Variants in CAMK1D observed in about 807,000 individuals in gnomAD.
CAMK1D encodes calcium/calmodulin-dependent protein kinase type 1D.
Under a neutral mutation model 47.7 loss-of-function variants are expected in CAMK1D, and 9 were observed. The ratio of observed to expected loss-of-function variants is 0.19; its 90% CI spans 0.11 to 0.33. The LOEUF (loss-of-function observed/expected upper bound fraction) is 0.33, where lower values mean the gene tolerates loss of function less well. Ranked by LOEUF, CAMK1D falls within the 10% of genes least tolerant of loss-of-function variation. CAMK1D has a pLI of 1.00. For synonymous variants in CAMK1D, 184 were observed against 184.9 expected, an observed-to-expected ratio of 0.99 and a Z score of 0.04; for missense variants, 291 against 488.7, an observed-to-expected ratio of 0.60 and a Z score of 3.81.
intron 6 of CAMK1D, among the ~76,000 whole-genome samples, chr10:12,802,492 T>G (rs986334946): frequency 6.6e-6 from 1 of 152,200 alleles, no homozygotes; most frequent in African/African-American, 2.4e-5. Context: ...GCATTGATTT[T>G]GGAACTGCAA....
chr10:12,774,028 T>C (rs1252697250), intron 5 of CAMK1D, among the ~76,000 whole-genome samples: 1 of 139,396 alleles, frequency 7.2e-6, no homozygotes, highest in Non-Finnish European at 1.5e-5. Context: ...TGAAGAATTA[T>C]TTATTTATTG....
chr10:12,769,852 G>A (rs912767351), intron 5 of CAMK1D, 53 bp downstream of exon 5: 4 of 1,600,288 alleles, frequency 2.5e-6, no homozygotes, highest in Non-Finnish European at 3.4e-6. Flanking sequence ...ATGTCCTCAT[G>A]TGTGGTGTCA....
At chr10:12,502,089 G>A (rs1834721907) in intron 1 of CAMK1D, among the ~76,000 whole-genome samples, 1 of 152,226 alleles carries the variant, frequency 6.6e-6, no homozygotes, top group African/African-American at 2.4e-5. Context: ...TCAGGGTCAG[G>A]AACGAGTGTG....
At chr10:12,429,301 A>G (rs530764938) in intron 1 of CAMK1D, among the ~76,000 whole-genome samples, 1 of 152,108 alleles carries the variant, frequency 6.6e-6, no homozygotes, top group Non-Finnish European at 1.5e-5. Flanking sequence ...TCCCCTGACC[A>G]CCAAATGTCC....
chr10:12,731,220 C>T (rs1246042219), intron 3 of CAMK1D, among the ~76,000 whole-genome samples: 4 of 152,074 alleles, frequency 2.6e-5, no homozygotes, highest in Admixed American at 6.5e-5. Flanking sequence ...ATCTAGTGTA[C>T]GTGCAAGATT....
At chr10:12,808,732 C>T (rs958411889) in intron 6 of CAMK1D, among the ~76,000 whole-genome samples, 4 of 151,816 alleles carry the variant, frequency 2.6e-5, no homozygotes, top group South Asian at 4.2e-4. Context: ...GAGCCAAGGT[C>T]GCGCTACTGC....
At chr10:12,563,704 A>AGAGAGAGAGAGAGAGG (rs1837027851) in intron 2 of CAMK1D, among the ~76,000 whole-genome samples, 1 of 150,566 alleles carries the variant, frequency 6.6e-6, no homozygotes. Context: ...AGAGAGGGAG[A>AGAGAGAGAGAGAGAGG]GAGAGGGAGA....
At chr10:12,785,157 G>A (rs571543583) in intron 5 of CAMK1D, among the ~76,000 whole-genome samples, 144 of 152,298 alleles carry the variant, frequency 9.5e-4, no homozygotes, top group African/African-American at 3.3e-3. Context: ...TGGACGTGCC[G>A]ACTGGCTTGC....
At chr10:12,606,258 TCACA>T (rs1049914927) in intron 2 of CAMK1D, among the ~76,000 whole-genome samples, 1 of 152,158 alleles carries the variant, frequency 6.6e-6, no homozygotes, top group African/African-American at 2.4e-5. Context: ...CATGGGCCCC[TCACA>T]CACAGCACCT....
chr10:12,733,816 G>T (rs1269900887), intron 3 of CAMK1D, among the ~76,000 whole-genome samples: 1 of 152,110 alleles, frequency 6.6e-6, no homozygotes, highest in East Asian at 1.9e-4. Flanking sequence ...AATTGAAAAT[G>T]TTCATTGTAT....
At chr10:12,367,357 G>T (rs1009587356) in intron 1 of CAMK1D, among the ~76,000 whole-genome samples, 1 of 152,176 alleles carries the variant, frequency 6.6e-6, no homozygotes. Flanking sequence ...TGGCACCAGG[G>T]ATCAGTTTCG....
chr10:12,545,992 G>C (rs1313778953), intron 1 of CAMK1D, among the ~76,000 whole-genome samples: 2 of 152,168 alleles, frequency 1.3e-5, no homozygotes, highest in East Asian at 3.8e-4. Flanking sequence ...TGGAGTGTTT[G>C]TACTGGGGAC....
At chr10:12,457,519 G>A (rs1363102815) in intron 1 of CAMK1D, among the ~76,000 whole-genome samples, 1 of 152,084 alleles carries the variant, frequency 6.6e-6, no homozygotes, top group African/African-American at 2.4e-5. Context: ...CGGGCGCAGT[G>A]GCTCACACCT....
At chr10:12,697,691 AC>A (rs1833352345) in intron 3 of CAMK1D, among the ~76,000 whole-genome samples, 2 of 152,246 alleles carry the variant, frequency 1.3e-5, no homozygotes, top group East Asian at 3.9e-4. Flanking sequence ...GAGCCACTCC[AC>A]CCAGCCAAAT....
intron 3 of CAMK1D, among the ~76,000 whole-genome samples, chr10:12,671,526 G>A (rs1410694464): frequency 6.6e-6 from 1 of 151,194 alleles, no homozygotes; most frequent in Non-Finnish European, 1.5e-5. Flanking sequence ...TCAAGATTTC[G>A]GTTTGTATTT....
intron 3 of CAMK1D, among the ~76,000 whole-genome samples, chr10:12,684,120 C>T (rs1471008093): frequency 6.6e-6 from 1 of 152,138 alleles, no homozygotes; most frequent in Non-Finnish European, 1.5e-5. Context: ...CTACAGAGCC[C>T]AGCGGCCAGT....
chr10:12,734,195 G>C (rs1370625750), intron 3 of CAMK1D, among the ~76,000 whole-genome samples: 2 of 150,398 alleles, frequency 1.3e-5, no homozygotes, highest in African/African-American at 4.9e-5. Flanking sequence ...CCTGGTGCAT[G>C]CCTGTAGTCC....
chr10:12,739,442 A>ATTT (rs1186963710), intron 3 of CAMK1D, among the ~76,000 whole-genome samples: 41 of 127,728 alleles, frequency 3.2e-4, no homozygotes, highest in African/African-American at 8.9e-4. Flanking sequence ...CACCCGGCTA[A>ATTT]TTTTTTTTTT....
chr10:12,458,578 A>C (rs1833329011), intron 1 of CAMK1D, among the ~76,000 whole-genome samples: 2 of 151,852 alleles, frequency 1.3e-5, no homozygotes, highest in African/African-American at 4.8e-5. Context: ...TGTCATGCCC[A>C]ACTAATTTTA....
Sources: gnomAD v4.1 joint callset for allele counts (sites outside exome capture counted in the v4.1 genomes callset) on GRCh38, gnomAD v4.1.1 for gene constraint, MANE v1.5 for transcripts, NCBI Gene and HGNC (gene_info 2026-07-23, HGNC 2026-07-21) for gene names.